Variants in NUP210 observed in about 807,000 individuals in gnomAD.
The protein encoded by NUP210 is nucleoporin 210.
In NUP210, 151 loss-of-function variants were observed where a neutral mutation model predicts 196.0. That is an observed-to-expected ratio of 0.77 (90% CI 0.67 to 0.88). The LOEUF (loss-of-function observed/expected upper bound fraction) is 0.88. NUP210 is among the 40% of genes least tolerant of loss of function. NUP210 has a pLI of 0.00. For synonymous variants in NUP210, 1,070 were observed against 1,052.7 expected (o/e 1.02, Z -0.32); for missense variants, 2,314 against 2,493.7 (o/e 0.93, Z 1.53).
chr3:13,344,159 C>T (rs1321031153), intron 20 of NUP210, among the ~76,000 whole-genome samples: 1 of 152,218 alleles, frequency 6.6e-6, no homozygotes, highest in Non-Finnish European at 1.5e-5. Flanking sequence ...AGGCAAGAGC[C>T]CACCTTTTAA....
intron 3 of NUP210, among the ~76,000 whole-genome samples, chr3:13,392,563 C>T (rs1407255507): frequency 6.6e-6 from 1 of 152,228 alleles, no homozygotes; most frequent in Non-Finnish European, 1.5e-5. Context: ...CAGCGAAGCA[C>T]ATCGGCTGCA....
chr3:13,358,297 C>A lies in NUP210; in HGVS notation c.2253G>T (p.Arg751Ser). The change falls in exon 16 of 40, where the codon AGG (arginine) becomes AGT (serine). Residue 751 changes from arginine to serine, a missense_variant. Coordinates refer to ENST00000254508, the MANE Select transcript of NUP210 (RefSeq NM_024923.4). ...TGGTGTAGACAGGCGCGAGGGTGAG[C>A]CTGGACGGTGGGGCGCAGACGAACT... ...VVKFVCAPPS[R>S]LTLAPVYTSP... 1 of 1,613,752 alleles carries A rather than the reference C, an allele frequency of 6.2e-7. No homozygotes were observed.
intron 13 of NUP210, among the ~76,000 whole-genome samples, chr3:13,367,678 ACT>A (rs1698588005): frequency 6.6e-6 from 1 of 151,982 alleles, no homozygotes; most frequent in Admixed American, 6.6e-5. Context: ...CATGGGCATA[ACT>A]CTTTTGTGCC....
At position 13,376,332 on chromosome 3, in the gene NUP210, G is replaced by T. The variant is rs776704445; in HGVS notation, c.1252C>A (p.Gln418Lys). ...GTGAGGGCCGCGTCAATGGCCGTCT[G>T]TCCCCTCTTTAGTGCCCTGATGCGA... is the stretch of plus-strand genomic sequence containing the variant. The part of the protein sequence containing the change: ...YHRIRALKRG[Q>K]TAIDAALTSV... The change falls in exon 10 of 40, where the codon CAG (glutamine) becomes AAG (lysine). Residue 418 changes from glutamine to lysine, a missense_variant. Gln to Lys is a moderately conservative substitution (Grantham distance 53). Coordinates refer to ENST00000254508, the MANE Select transcript of NUP210 (RefSeq NM_024923.4). The T allele has an allele frequency of 1.9e-6, 3 of 1,614,100 alleles. No individual in the cohort carries two copies. The African/African-American group carries it at 4.0e-5, about 22-fold the overall frequency.
At chr3:13,357,463 T>C (rs6804464) in intron 16 of NUP210, among the ~76,000 whole-genome samples, 88,189 of 152,056 alleles carry the variant, frequency 0.58, 26,758 homozygotes, top group African/African-American at 0.76. Flanking sequence ...CTGTCCTGAT[T>C]AGTGTGCAAT....
At chr3:13,318,549 G>A (rs1381478697) in intron 39 of NUP210, among the ~76,000 whole-genome samples, 3 of 152,168 alleles carry the variant, frequency 2.0e-5, no homozygotes, top group African/African-American at 7.2e-5. Flanking sequence ...TTCACGTACA[G>A]CAGTACAGGC....
chr3:13,386,393 T>C lies in NUP210; in HGVS notation c.699A>G (p.Ala233=). ...QEAVYKNVRP[A]EVRLLILENI... ...TTTCCAAAATCAGCAGCCTGACTTCTGCAGGGCGTACATTCTTGGCATAAA... is the reference window on the plus strand; with the variant it reads ...TTTCCAAAATCAGCAGCCTGACTTCCGCAGGGCGTACATTCTTGGCATAAA... The change falls in exon 6 of 40, where the codon GCA becomes GCG. Residue 233 remains alanine, a synonymous_variant. Coordinates refer to ENST00000254508, the MANE Select transcript of NUP210 (RefSeq NM_024923.4). 3 of 1,614,202 alleles carry C rather than the reference T, an allele frequency of 1.9e-6. No homozygotes were observed. In the South Asian group the frequency reaches 3.3e-5, roughly 18 times the overall value.
intron 11 of NUP210, among the ~76,000 whole-genome samples, chr3:13,374,281 C>T (rs1267024702): frequency 6.6e-6 from 1 of 152,216 alleles, no homozygotes; most frequent in Non-Finnish European, 1.5e-5. Context: ...ACCCACGGTA[C>T]ACTCACATAC....
intron 14 of NUP210, among the ~76,000 whole-genome samples, chr3:13,361,340 AAGTAGTATTTC>A (rs953621590): frequency 3.9e-5 from 6 of 152,214 alleles, no homozygotes; most frequent in South Asian, 2.1e-4. Context: ...GGAAGAATTA[AAGTAGTATTTC>A]ACACAAAGCT....
rs550846965 is a variant in NUP210 at position 13,321,672 on chromosome 3, G to C, written c.5079C>G (p.Ala1693=). Residue 1693 remains alanine, a synonymous_variant, in exon 36 of 40, where the codon GCC becomes GCG. Coordinates refer to ENST00000254508, the MANE Select transcript of NUP210 (RefSeq NM_024923.4). ...AEVPFSPGLF[A]DQAEILLSNH... is the part of the protein sequence containing the mutation. Reference sequence around the variant, plus strand: ...TGCTCAAAAGGATTTCAGCCTGGTCGGCGAAGAGACCTGGGCTGAAGGGCA... The same window carrying C: ...TGCTCAAAAGGATTTCAGCCTGGTCCGCGAAGAGACCTGGGCTGAAGGGCA... 6.2e-7 allele frequency: 1 copy of C among 1,614,066 alleles called. No individual in the cohort carries two copies. The highest frequency in any genetic ancestry group is 8.5e-7 in the Non-Finnish European group (1 of 1,180,004).
rs1008581074 is a variant in NUP210, at chr3:13,347,713, G to A, written c.2835+4166C>T. Reference sequence around the variant, plus strand: ...GAGCGCTGGGGGCTTGTCTATCTCTGTGCTGCTGCTCTGCAGCTGGAAAAA... The same window carrying A: ...GAGCGCTGGGGGCTTGTCTATCTCTATGCTGCTGCTCTGCAGCTGGAAAAA... On this transcript the variant is annotated intron_variant, in intron 20 of 39. Coordinates refer to ENST00000254508, the MANE Select transcript of NUP210 (RefSeq NM_024923.4). The surrounding 1 kb of genome is among the most constrained non-coding windows in gnomAD (Gnocchi z 4.7). 6.6e-6 allele frequency among the ~76,000 whole-genome samples: 1 copy of A among 152,198 alleles called. No individual in the cohort carries two copies. The highest frequency in any genetic ancestry group is 2.4e-5 in the African/African-American group (1 of 41,458).
intron 1 of NUP210, among the ~76,000 whole-genome samples, chr3:13,403,856 C>T (rs1699919434): frequency 6.6e-6 from 1 of 152,190 alleles, no homozygotes; most frequent in Non-Finnish European, 1.5e-5. Flanking sequence ...GGCTTGATCC[C>T]TGCATCCCCT....
intron 1 of NUP210, among the ~76,000 whole-genome samples, chr3:13,419,480 G>A (rs2124973681): frequency 6.6e-6 from 1 of 152,298 alleles, no homozygotes; most frequent in South Asian, 2.1e-4. Flanking sequence ...CCGCGCCGAG[G>A]CAGCCTGAGG....
chr3:13,420,139 T>C lies in NUP210; in HGVS notation c.88A>G (p.Ile30Val). ...GTGAAGGGCAGCAGCACTTTGGGGA[T>C]GTTGAGCTTGGCCGCAGCGGCGGAG... is the stretch of plus-strand genomic sequence containing the variant. ...GPSAAAAKLN[I>V]PKVLLPFTRA... The change falls in exon 1 of 40, where the codon ATC (isoleucine) becomes GTC (valine). Residue 30 changes from isoleucine to valine, a missense_variant. Transcript: ENST00000254508. The surrounding 1 kb of genome is among the most constrained non-coding windows in gnomAD (Gnocchi z 4.8). 7.5e-7 allele frequency: 1 copy of C among 1,333,222 alleles called. No individual in the cohort carries two copies. Among genetic ancestry groups the C allele is most frequent in the Non-Finnish European group, 9.8e-7 (1 of 1,022,444 alleles). 82.6% of individuals were successfully genotyped at this position (1,333,222 alleles called of 1,614,324 possible).
chr3:13,349,523 A>G (rs1697893405), intron 20 of NUP210, among the ~76,000 whole-genome samples: 1 of 152,084 alleles, frequency 6.6e-6, no homozygotes, highest in Non-Finnish European at 1.5e-5. Context: ...CTGCTAAGAG[A>G]GGCCAGCCAA....
chr3:13,351,912 C>G lies in NUP210; in HGVS notation c.2802G>C (p.Lys934Asn). The stretch of plus-strand genomic sequence containing the variant: ...CACCCCTGGCCTCCTGGTAGGCCAC[C>G]TTGACAACATCTGCGGTGCTGGTGT... ...FLNTSTADVVKVAYQEARGVA... is the reference protein window; with the variant it reads ...FLNTSTADVVNVAYQEARGVA... The change falls in exon 20 of 40, where the codon AAG becomes AAC. Residue 934 changes from lysine to asparagine, a missense_variant. Lys to Asn is a moderately conservative substitution (Grantham distance 94). Coordinates refer to ENST00000254508, the MANE Select transcript of NUP210 (RefSeq NM_024923.4). 6.2e-7 allele frequency: 1 copy of G among 1,613,970 alleles called. No homozygotes were observed. The highest frequency in any genetic ancestry group is 1.1e-5 in the South Asian group (1 of 91,050).
chr3:13,325,889 T>C lies in NUP210; in HGVS notation c.4550A>G (p.His1517Arg), dbSNP rs916807584. Residue 1517 changes from histidine to arginine, a missense_variant, in exon 33 of 40, where the codon CAC (histidine) becomes CGC (arginine). Coordinates refer to ENST00000254508, the MANE Select transcript of NUP210 (RefSeq NM_024923.4). Reference sequence around the variant, plus strand: ...AGCCACACCCGTCTTGGGGTCGATGTGGAGGATGCTGTTGGCCGAGGAGCT... The same window carrying C: ...AGCCACACCCGTCTTGGGGTCGATGCGGAGGATGCTGTTGGCCGAGGAGCT... Reference protein sequence around the residue: ...TWSSSANSILHIDPKTGVAVA... With the variant: ...TWSSSANSILRIDPKTGVAVA... 2.0e-5 allele frequency: 32 copies of C among 1,614,000 alleles called. No individual in the cohort carries two copies. Among genetic ancestry groups the C allele is most frequent in the African/African-American group, 2.7e-5 (2 of 74,942 alleles).
chr3:13,395,841 T>C (rs1295885644), intron 3 of NUP210, among the ~76,000 whole-genome samples: 2 of 152,210 alleles, frequency 1.3e-5, no homozygotes, highest in Non-Finnish European at 2.9e-5. Context: ...GTTTGGGAGC[T>C]GCCAGGTACT....
intron 20 of NUP210, 33 bp from the exon 21 acceptor site, chr3:13,343,336 TGGTG>T: frequency 3.8e-6 from 1 of 260,400 alleles, no homozygotes; most frequent in Non-Finnish European, 7.2e-6. Flanking sequence ...GAGGGGTGGG[TGGTG>T]GGTTACGCAG....
Sources: allele counts gnomAD v4.1 joint callset (sites outside exome capture counted in the v4.1 genomes callset), GRCh38; gene constraint gnomAD v4.1.1; non-coding constraint Gnocchi (gnomAD v3.1); transcripts MANE v1.5; gene names NCBI Gene and HGNC (gene_info 2026-07-23, HGNC 2026-07-21).